Variants in CHCHD6 observed in about 807,000 individuals in gnomAD.
CHCHD6 encodes coiled-coil-helix-coiled-coil-helix domain containing 6.
A neutral mutation model predicts 32.3 loss-of-function variants in CHCHD6; 28 were observed. The observed-to-expected ratio is 0.87, with a 90% confidence interval of 0.64 to 1.19. The LOEUF (loss-of-function observed/expected upper bound fraction) is 1.19. Ranked by LOEUF, CHCHD6 falls within the 50% of genes most tolerant of loss-of-function variation. CHCHD6 has a pLI of 0.00. For missense variants in CHCHD6, 333 were observed against 307.0 expected, an observed-to-expected ratio of 1.08 and a Z score of -0.63; for synonymous variants, 122 against 117.5, an observed-to-expected ratio of 1.04 and a Z score of -0.25.
chr3:126,898,278 G>A (rs925110260), intron 5 of CHCHD6, among the ~76,000 whole-genome samples: 1 of 152,226 alleles, frequency 6.6e-6, no homozygotes, highest in Non-Finnish European at 1.5e-5. Flanking sequence ...TTTGCTATTT[G>A]CTTGCCCCTC....
At chr3:126,867,576 T>C (rs1942330439) in intron 5 of CHCHD6, among the ~76,000 whole-genome samples, 1 of 152,238 alleles carries the variant, frequency 6.6e-6, no homozygotes, top group South Asian at 2.1e-4. Flanking sequence ...TTCTCAGCTC[T>C]TCTCTGTCCA....
intron 5 of CHCHD6, among the ~76,000 whole-genome samples, chr3:126,889,881 ATGTGAGGGTGGCCCC>A (rs965368873): frequency 1.3e-5 from 2 of 152,288 alleles, no homozygotes; most frequent in Admixed American, 1.3e-4. Context: ...CAGCAGGGAG[ATGTGAGGGTGGCCCC>A]TGCTCCTGCG....
At chr3:126,726,467 A>G (rs1305855695) in intron 1 of CHCHD6, among the ~76,000 whole-genome samples, 1 of 152,214 alleles carries the variant, frequency 6.6e-6, no homozygotes, top group African/African-American at 2.4e-5. Context: ...TCAAAACATG[A>G]CTGAGAGACA....
At chr3:126,895,751 C>T (rs1014759713) in intron 5 of CHCHD6, among the ~76,000 whole-genome samples, 5 of 152,354 alleles carry the variant, frequency 3.3e-5, no homozygotes, top group Middle Eastern at 3.4e-3. Flanking sequence ...TGACCCCATC[C>T]CCCACCCCTT....
rs1472568204 is a variant in CHCHD6 at position 126,957,233 on chromosome 3, C to G, written c.567-183C>G. 1.0e-5 allele frequency: 7 copies of G among 679,878 alleles called. No homozygotes were observed. The East Asian group carries it at 1.4e-4, about 13-fold the overall frequency. The allele number at this position is 679,878 out of a possible 1,614,324, so 42.1% of individuals were successfully genotyped here. ...CCACCCACCACAGGGCTTGACCCTG[C>G]GACCGTCCTCTCATTTCTAGAACGG... is the stretch of plus-strand genomic sequence containing the variant. On this transcript the variant is annotated intron_variant, in intron 6 of 7. Coordinates refer to ENST00000290913, the MANE Select transcript of CHCHD6 (RefSeq NM_032343.3).
In CHCHD6 at chr3:126,830,997, C is replaced by T. The variant is rs368001243; in HGVS notation, c.412-21650C>T. On this transcript the variant is annotated intron_variant, in intron 4 of 7. Transcript: ENST00000290913. ...GGGGCCGCACCCTGTGTGCTTTGCC[C>T]GCTTCTCTCCTGGGCGGCCCTGCCA... 5.3e-5 allele frequency among the ~76,000 whole-genome samples: 8 copies of T among 152,084 alleles called. No individual in the cohort carries two copies. In the South Asian group the frequency reaches 6.2e-4, roughly 12 times the overall value.
chr3:126,837,046 A>G (rs2107544854), intron 4 of CHCHD6, among the ~76,000 whole-genome samples: 1 of 152,344 alleles, frequency 6.6e-6, no homozygotes, highest in South Asian at 2.1e-4. Flanking sequence ...GAGTGGCTCT[A>G]CATTTCATTT....
intron 4 of CHCHD6, among the ~76,000 whole-genome samples, chr3:126,808,175 C>G (rs573258298): frequency 2.0e-5 from 3 of 152,272 alleles, no homozygotes; most frequent in Admixed American, 6.5e-5. Context: ...TGTCTGAATT[C>G]AATTCCTTGT....
chr3:126,836,701 G>A (rs9836858), intron 4 of CHCHD6, among the ~76,000 whole-genome samples: 50,453 of 152,130 alleles, frequency 0.33, 10,806 homozygotes, highest in African/African-American at 0.61. Flanking sequence ...CGGAGATGCT[G>A]AGAGGAGAGA....
chr3:126,823,763 A>G (rs1940254999), intron 4 of CHCHD6, among the ~76,000 whole-genome samples: 1 of 152,098 alleles, frequency 6.6e-6, no homozygotes. Flanking sequence ...TTATTATAGT[A>G]TGGCCAGGCA....
At chr3:126,915,575 G>T (rs1215674602) in intron 6 of CHCHD6, among the ~76,000 whole-genome samples, 2 of 152,220 alleles carry the variant, frequency 1.3e-5, no homozygotes, top group African/African-American at 4.8e-5. Context: ...TCCCTCCCAA[G>T]AGTGAATTGG....
At chr3:126,897,837 C>A (rs1176191223) in intron 5 of CHCHD6, among the ~76,000 whole-genome samples, 1 of 152,182 alleles carries the variant, frequency 6.6e-6, no homozygotes, top group East Asian at 1.9e-4. Flanking sequence ...AGCTGCCTGG[C>A]ACTTTATGGG....
intron 4 of CHCHD6, among the ~76,000 whole-genome samples, chr3:126,801,944 A>G (rs1302028987): frequency 6.6e-6 from 1 of 152,232 alleles, no homozygotes; most frequent in Admixed American, 6.5e-5. Context: ...GCTGATACCC[A>G]GGCAAACAAG....
chr3:126,851,949 T>A (rs1426228489), intron 4 of CHCHD6, among the ~76,000 whole-genome samples: 2 of 152,212 alleles, frequency 1.3e-5, no homozygotes, highest in Non-Finnish European at 2.9e-5. Flanking sequence ...TCAGGTTGCT[T>A]GCCCTGGTGA....
At chr3:126,705,942 A>C (rs1295548943) in intron 1 of CHCHD6, among the ~76,000 whole-genome samples, 1 of 152,208 alleles carries the variant, frequency 6.6e-6, no homozygotes, top group Non-Finnish European at 1.5e-5. Context: ...TTCTTAGCCT[A>C]GCAGAGTACT....
intron 5 of CHCHD6, among the ~76,000 whole-genome samples, chr3:126,905,921 A>G (rs2077999016): frequency 6.6e-6 from 1 of 152,158 alleles, no homozygotes. Context: ...CGCGAGAACC[A>G]AGAGACGAGG....
intron 4 of CHCHD6, among the ~76,000 whole-genome samples, chr3:126,804,698 A>C (rs970123079): frequency 9.9e-5 from 15 of 152,226 alleles, no homozygotes. Context: ...AATTCATTTT[A>C]TGAGGCCAGC....
chr3:126,714,766 G>A (rs983665830), intron 1 of CHCHD6, among the ~76,000 whole-genome samples: 1 of 152,154 alleles, frequency 6.6e-6, no homozygotes, highest in African/African-American at 2.4e-5. Context: ...GCGTTGAGTG[G>A]ATGGAGCATG....
In CHCHD6 at chr3:126,727,164, C is replaced by T; in HGVS notation, c.174C>T (p.Gly58=). ...PTSSTFGLQD[G]NLRAPHKEST... The stretch of plus-strand genomic sequence containing the variant: ...CTTCTACCTTTGGCCTTCAAGATGG[C>T]AACTTGAGAGCCCCTCACAAAGGTA... Residue 58 remains glycine, a synonymous_variant, in exon 2 of 8, where the codon GGC becomes GGT. Transcript: ENST00000290913. 1.2e-6 allele frequency: 2 copies of T among 1,612,098 alleles called. No individual in the cohort carries two copies. Among genetic ancestry groups the T allele is most frequent in the Non-Finnish European group, 1.7e-6 (2 of 1,178,152 alleles).
Sources: allele counts gnomAD v4.1 joint callset (sites outside exome capture counted in the v4.1 genomes callset), GRCh38; gene constraint gnomAD v4.1.1; transcripts MANE v1.5; gene names NCBI Gene and HGNC (gene_info 2026-07-23, HGNC 2026-07-21).